The following TBC1D12 variants were observed in gnomAD, a reference collection of about 807,000 sequenced individuals.
TBC1D12 encodes the protein TBC1 domain family, member 12.
TBC1D12 carries 56 observed loss-of-function variants against 86.7 expected under a neutral mutation model. That is an observed-to-expected ratio of 0.65 (90% CI 0.52 to 0.81). The LOEUF is 0.81. Ranked by LOEUF, TBC1D12 falls within the 30% of genes least tolerant of loss-of-function variation. The probability of loss-of-function intolerance (pLI) is 0.00; values close to 1 mark genes in which losing one functional copy is unlikely to be tolerated. For synonymous variants in TBC1D12, 421 were observed against 411.7 expected, an observed-to-expected ratio of 1.02 and a Z score of -0.27; for missense variants, 1,023 against 1,038.8, an observed-to-expected ratio of 0.98 and a Z score of 0.21.
intron 6 of TBC1D12, among the ~76,000 whole-genome samples, chr10:94,502,777 T>C: frequency 6.6e-6 from 1 of 152,154 alleles, no homozygotes; most frequent in Non-Finnish European, 1.5e-5. Context: ...ACATAAAGAC[T>C]TAAGGACTTT....
At chr10:94,452,018 T>A (rs2055558006) in intron 2 of TBC1D12, among the ~76,000 whole-genome samples, 1 of 151,632 alleles carries the variant, frequency 6.6e-6, no homozygotes, top group Non-Finnish European at 1.5e-5. Flanking sequence ...TTATTCACCT[T>A]GCATATTTCT....
intron 9 of TBC1D12, among the ~76,000 whole-genome samples, chr10:94,519,430 G>A (rs1842083499): frequency 6.6e-6 from 1 of 152,180 alleles, no homozygotes; most frequent in African/African-American, 2.4e-5. Context: ...AGTGGCTCAT[G>A]CCTGTAATCC....
chr10:94,534,611 A>G lies in TBC1D12; in HGVS notation c.*1515A>G, dbSNP rs1057477886. 6.6e-6 allele frequency: 1 copy of G among 152,190 alleles called. No homozygotes were observed. Among genetic ancestry groups the G allele is most frequent in the Non-Finnish European group, 1.5e-5 (1 of 68,038 alleles). 9.4% of individuals were successfully genotyped at this position (152,190 alleles called of 1,614,324 possible). A position where few individuals can be genotyped will look rare whatever the true frequency, so the allele number is the denominator to read the frequency against. ...TGCTGCATGATTGAATCATTATTTG[A>G]TGAATTCTTTCATTGTAACATAGGG... On this transcript the variant is annotated 3_prime_UTR_variant, in exon 13 of 13. Transcript: ENST00000225235.
At position 94,533,173 on chromosome 10, in the gene TBC1D12, C is replaced by T. The variant is rs747824540; in HGVS notation, c.*77C>T. 25 of 852,568 alleles carry T rather than the reference C, an allele frequency of 2.9e-5. No homozygotes were observed. The highest frequency in any genetic ancestry group is 2.4e-4 in the Admixed American group (8 of 33,978). 52.8% of individuals were successfully genotyped at this position (852,568 alleles called of 1,614,324 possible). On this transcript the variant is annotated 3_prime_UTR_variant, in exon 13 of 13. Transcript: ENST00000225235. Reference sequence around the variant, plus strand: ...GGTTTTTTGTTTCCTATGTAAAAGGCGTGGAAGAAAATGTTGGAGATACCT... The same window carrying T: ...GGTTTTTTGTTTCCTATGTAAAAGGTGTGGAAGAAAATGTTGGAGATACCT...
chr10:94,498,746 G>A (rs1261179098), intron 5 of TBC1D12, among the ~76,000 whole-genome samples: 1 of 151,014 alleles, frequency 6.6e-6, no homozygotes, highest in Non-Finnish European at 1.5e-5. Context: ...GTGAGCCACT[G>A]CACCCTACCG....
At chr10:94,499,055 G>A (rs1180731744) in intron 5 of TBC1D12, among the ~76,000 whole-genome samples, 1 of 152,178 alleles carries the variant, frequency 6.6e-6, no homozygotes, top group East Asian at 1.9e-4. Flanking sequence ...ACAGGTGTGA[G>A]CCACCTGCCT....
At chr10:94,446,022 C>A (rs2055457115) in intron 2 of TBC1D12, among the ~76,000 whole-genome samples, 1 of 151,882 alleles carries the variant, frequency 6.6e-6, no homozygotes, top group Admixed American at 6.6e-5. Context: ...ATCTCTGCTT[C>A]AATGTGTGTC....
At chr10:94,447,012 G>A (rs1357385429) in intron 2 of TBC1D12, among the ~76,000 whole-genome samples, 1 of 146,350 alleles carries the variant, frequency 6.8e-6, no homozygotes, top group Non-Finnish European at 1.5e-5. Flanking sequence ...GGTAGAGGTT[G>A]CAGTGAGCCG....
At chr10:94,517,371 C>CT (rs1842026161) in intron 9 of TBC1D12, among the ~76,000 whole-genome samples, 1 of 152,192 alleles carries the variant, frequency 6.6e-6, no homozygotes, top group African/African-American at 2.4e-5. Flanking sequence ...GAGCGAGACT[C>CT]TGTCTCAAAA....
chr10:94,474,606 A>G, intron 2 of TBC1D12, 62 bp from the exon 3 acceptor site: 1 of 1,177,156 alleles, frequency 8.5e-7, no homozygotes, highest in Non-Finnish European at 1.3e-6. Flanking sequence ...AATGATACAG[A>G]TTTAATAGTA....
chr10:94,452,106 A>G (rs912619428), intron 2 of TBC1D12, among the ~76,000 whole-genome samples: 1 of 150,664 alleles, frequency 6.6e-6, no homozygotes, highest in Non-Finnish European at 1.5e-5. Context: ...TTAAATTCAT[A>G]TATATTTAAA....
At chr10:94,445,562 TATG>T (rs1381825775) in intron 2 of TBC1D12, among the ~76,000 whole-genome samples, 2 of 152,170 alleles carry the variant, frequency 1.3e-5, no homozygotes, top group African/African-American at 2.4e-5. Flanking sequence ...GCTATTAGTA[TATG>T]TTTTAGTGCC....
In TBC1D12 at chr10:94,535,476, C is replaced by T. The variant is rs1842525854; in HGVS notation, c.*2380C>T. The T allele has an allele frequency of 6.6e-6, 1 of 151,990 alleles. No individual in the cohort carries two copies. The highest frequency in any genetic ancestry group is 2.4e-5 in the African/African-American group (1 of 41,392). The allele number at this position is 151,990 out of a possible 1,614,324, so 9.4% of individuals were successfully genotyped here. On this transcript the variant is annotated 3_prime_UTR_variant, in exon 13 of 13. Coordinates refer to ENST00000225235, the MANE Select transcript of TBC1D12 (RefSeq NM_015188.2). Reference sequence around the variant, plus strand: ...GACTGCCTCTTTAGGAGTATGGGGCCCTAGGGTGTCCATATATTTTTACCC... The same window carrying T: ...GACTGCCTCTTTAGGAGTATGGGGCTCTAGGGTGTCCATATATTTTTACCC...
intron 6 of TBC1D12, 47 bp downstream of exon 6, chr10:94,500,374 T>C (rs1322077361): frequency 3.3e-6 from 5 of 1,513,648 alleles, no homozygotes; most frequent in Middle Eastern, 1.7e-4. Context: ...AATAGCCATC[T>C]ACAGAGTTAC....
At chr10:94,417,750 CT>C (rs35840263) in intron 1 of TBC1D12, among the ~76,000 whole-genome samples, 46,946 of 131,364 alleles carry the variant, frequency 0.36, 7,664 homozygotes, top group East Asian at 0.7. Flanking sequence ...GTCTCTTCTT[CT>C]TTTTTTTTTT....
chr10:94,416,737 T>C (rs1589601945), intron 1 of TBC1D12, among the ~76,000 whole-genome samples: 1 of 152,252 alleles, frequency 6.6e-6, no homozygotes, highest in Non-Finnish European at 1.5e-5. Context: ...GCATCAGTAC[T>C]GAGGAAGGGG....
intron 1 of TBC1D12, among the ~76,000 whole-genome samples, chr10:94,437,667 C>G (rs1433600502): frequency 6.6e-6 from 1 of 152,038 alleles, no homozygotes; most frequent in Non-Finnish European, 1.5e-5. Context: ...GTAGTTGGTA[C>G]ACTTAGTAAT....
At chr10:94,498,519 T>C (rs370012344) in intron 5 of TBC1D12, among the ~76,000 whole-genome samples, 3 of 152,294 alleles carry the variant, frequency 2.0e-5, no homozygotes, top group African/African-American at 7.2e-5. Context: ...AGTGGCGCGA[T>C]CTCAGCTCAC....
intron 3 of TBC1D12, among the ~76,000 whole-genome samples, chr10:94,487,189 A>G (rs182560612): frequency 4.8e-5 from 7 of 146,452 alleles, no homozygotes. Context: ...TTTTCAGTCT[A>G]TATATGTCTT....
Sources: gnomAD v4.1 joint callset for allele counts (sites outside exome capture counted in the v4.1 genomes callset) on GRCh38, gnomAD v4.1.1 for gene constraint, MANE v1.5 for transcripts, NCBI Gene and HGNC (gene_info 2026-07-23, HGNC 2026-07-21) for gene names.